Variants in MAPKAP1 observed in about 807,000 individuals in gnomAD.
MAPKAP1 encodes the protein target of rapamycin complex 2 subunit MAPKAP1.
A neutral mutation model predicts 65.7 loss-of-function variants in MAPKAP1; 20 were observed. The observed-to-expected ratio is 0.30, with a 90% confidence interval of 0.21 to 0.44. MAPKAP1 has a LOEUF of 0.44. Among genes scored for constraint, MAPKAP1 ranks in the 20% least tolerant of loss-of-function variants. MAPKAP1 has a pLI of 1.00. For missense variants in MAPKAP1, 423 were observed against 648.0 expected, an observed-to-expected ratio of 0.65 and a Z score of 3.77; for synonymous variants, 222 against 244.3, an observed-to-expected ratio of 0.91 and a Z score of 0.85.
chr9:125,464,253 A>G (rs1289534376), intron 10 of MAPKAP1, among the ~76,000 whole-genome samples: 2 of 149,148 alleles, frequency 1.3e-5, no homozygotes, highest in African/African-American at 4.9e-5. Context: ...CTAGAGGTAT[A>G]TAAGGATGGA....
chr9:125,699,776 C>T (rs545144062), intron 1 of MAPKAP1, among the ~76,000 whole-genome samples: 34 of 151,980 alleles, frequency 2.2e-4, no homozygotes, highest in Non-Finnish European at 3.5e-4. Context: ...TGTGCGCCAC[C>T]ATGCCTGGCT....
rs1008580371 is a variant in MAPKAP1 at position 125,628,864 on chromosome 9, ACTC to A, written c.498+28784_498+28786del. On this transcript the variant is annotated intron_variant, in intron 4 of 11. Coordinates refer to ENST00000265960, the MANE Select transcript of MAPKAP1 (RefSeq NM_001006617.3). ...ACCAGAATATATAATGAACTCTACA[ACTC>A]AACAACAACAACAACAACAAGAACA... Among the ~76,000 whole-genome samples the A allele has an allele frequency of 2.5e-4, 25 of 99,512 alleles. 1 individual carries two copies. In the East Asian group the frequency reaches 2.5e-3, roughly 10 times the overall value. 65.3% of individuals were successfully genotyped at this position (99,512 alleles called of 152,430 possible). A position where few individuals can be genotyped will look rare whatever the true frequency, so the allele number is the denominator to read the frequency against.
intron 7 of MAPKAP1, among the ~76,000 whole-genome samples, chr9:125,524,036 T>TA (rs1162676737): frequency 6.6e-6 from 1 of 152,182 alleles, no homozygotes; most frequent in Admixed American, 6.5e-5. Flanking sequence ...GGTGAGTACT[T>TA]ATTTATTTAT....
intron 8 of MAPKAP1, among the ~76,000 whole-genome samples, chr9:125,502,747 C>T (rs1829022050): frequency 6.6e-6 from 1 of 152,248 alleles, no homozygotes; most frequent in Non-Finnish European, 1.5e-5. Context: ...GCAAGAAATA[C>T]GTATCTGCAG....
chr9:125,532,767 G>A (rs866108000), intron 7 of MAPKAP1, among the ~76,000 whole-genome samples: 2 of 152,094 alleles, frequency 1.3e-5, no homozygotes, highest in Non-Finnish European at 2.9e-5. Flanking sequence ...AAAATAAACC[G>A]GTTAAGGGGT....
chr9:125,533,419 T>C (rs897861851), intron 7 of MAPKAP1, among the ~76,000 whole-genome samples: 2 of 152,100 alleles, frequency 1.3e-5, no homozygotes, highest in Non-Finnish European at 2.9e-5. Context: ...CATTCTCACA[T>C]ACTCTTGGAA....
intron 8 of MAPKAP1, 139 bp downstream of exon 8, chr9:125,506,171 C>T (rs949812132): frequency 1.9e-5 from 14 of 724,060 alleles, no homozygotes; most frequent in East Asian, 2.7e-5. Flanking sequence ...TACTTTGGCA[C>T]GAAGACTGCA....
chr9:125,470,666 T>C (rs1853878409), intron 9 of MAPKAP1, among the ~76,000 whole-genome samples: 1 of 152,206 alleles, frequency 6.6e-6, no homozygotes, highest in Non-Finnish European at 1.5e-5. Context: ...AATGACGCCC[T>C]TTCCTGGGGT....
At chr9:125,487,615 T>TAAAAAAAAA (rs35665829) in intron 8 of MAPKAP1, among the ~76,000 whole-genome samples, 1 of 126,832 alleles carries the variant, frequency 7.9e-6, no homozygotes, top group Non-Finnish European at 1.7e-5. Flanking sequence ...TGCCAATTAC[T>TAAAAAAAAA]AAAAAAAAAA....
chr9:125,614,670 A>C (rs1429773164), intron 4 of MAPKAP1, among the ~76,000 whole-genome samples: 1 of 152,220 alleles, frequency 6.6e-6, no homozygotes, highest in African/African-American at 2.4e-5. Flanking sequence ...TTAAGGAGAA[A>C]AATCATATGG....
chr9:125,701,820 C>A (rs891842707), intron 1 of MAPKAP1, among the ~76,000 whole-genome samples: 1 of 152,226 alleles, frequency 6.6e-6, no homozygotes, highest in Non-Finnish European at 1.5e-5. Flanking sequence ...ATCTCACCAG[C>A]CAGATCTATA....
intron 11 of MAPKAP1, among the ~76,000 whole-genome samples, chr9:125,440,379 C>T (rs1852435300): frequency 6.6e-6 from 1 of 152,248 alleles, no homozygotes; most frequent in South Asian, 2.1e-4. Context: ...CGCAGCCTCT[C>T]ACCTCCTCTG....
chr9:125,497,256 G>A (rs1245447765), intron 8 of MAPKAP1, among the ~76,000 whole-genome samples: 1 of 152,196 alleles, frequency 6.6e-6, no homozygotes, highest in Admixed American at 6.5e-5. Flanking sequence ...ATTAGGAAAT[G>A]AGAATTTCAT....
rs1396201337 is a variant in MAPKAP1 at position 125,642,913 on chromosome 9, T to G, written c.498+14738A>C. Among the ~76,000 whole-genome samples, 3 of 152,206 alleles carry G rather than the reference T, an allele frequency of 2.0e-5. No homozygotes were observed. The East Asian group carries it at 5.8e-4, about 29-fold the overall frequency. ...AATATAATATATATGCCTTTTTTTT[T>G]TCTTGTGATGGAGTCTCGATCTGTC... On this transcript the variant is annotated intron_variant, in intron 4 of 11. Transcript: ENST00000265960.
intron 9 of MAPKAP1, among the ~76,000 whole-genome samples, chr9:125,472,431 C>T (rs1363222520): frequency 6.6e-6 from 1 of 152,224 alleles, no homozygotes. Flanking sequence ...ATGCACACAT[C>T]TATTTTTTGT....
intron 9 of MAPKAP1, chr9:125,471,625 C>T (rs974015054): frequency 6.6e-6 from 1 of 152,250 alleles, no homozygotes; most frequent in Non-Finnish European, 1.5e-5. Flanking sequence ...TGCCACTTCT[C>T]TATGCTAAGG....
intron 7 of MAPKAP1, among the ~76,000 whole-genome samples, chr9:125,517,370 C>T (rs1303451391): frequency 6.6e-6 from 1 of 152,052 alleles, no homozygotes; most frequent in Non-Finnish European, 1.5e-5. Flanking sequence ...CAGCTGCTTG[C>T]CCTGATTTTT....
chr9:125,600,876 A>G (rs1832280924), intron 4 of MAPKAP1, among the ~76,000 whole-genome samples: 2 of 152,344 alleles, frequency 1.3e-5, no homozygotes, highest in Admixed American at 6.5e-5. Context: ...TACAAACAAT[A>G]GCTTCCATAA....
At chr9:125,576,610 A>G (rs890429254) in intron 5 of MAPKAP1, among the ~76,000 whole-genome samples, 2 of 151,752 alleles carry the variant, frequency 1.3e-5, no homozygotes, top group Admixed American at 1.3e-4. Flanking sequence ...GCTCACTGCA[A>G]CCTCCCTGCC....
Sources: gnomAD v4.1 joint callset for allele counts (sites outside exome capture counted in the v4.1 genomes callset) on GRCh38, gnomAD v4.1.1 for gene constraint, MANE v1.5 for transcripts, NCBI Gene and HGNC (gene_info 2026-07-23, HGNC 2026-07-21) for gene names.